Variants in CYP20A1 observed in about 807,000 individuals in gnomAD.
CYP20A1 encodes cytochrome P450 20A1.
CYP20A1 carries 61 observed loss-of-function variants against 61.4 expected under a neutral mutation model. That is an observed-to-expected ratio of 0.99 (90% CI 0.81 to 1.23). The LOEUF (loss-of-function observed/expected upper bound fraction) is 1.23. CYP20A1 is among the 50% of genes most tolerant of loss of function. The pLI is 0.00. For synonymous variants in CYP20A1, 193 were observed against 188.2 expected (o/e 1.03, Z -0.21); for missense variants, 530 against 542.4 (o/e 0.98, Z 0.23).
intron 10 of CYP20A1, among the ~76,000 whole-genome samples, chr2:203,291,903 C>G (rs2068551564): frequency 6.6e-6 from 1 of 152,078 alleles, no homozygotes; most frequent in Non-Finnish European, 1.5e-5. Context: ...TGTTCACTTC[C>G]CACCTATGAG....
intron 11 of CYP20A1, among the ~76,000 whole-genome samples, chr2:203,294,045 G>A (rs2068663027): frequency 6.6e-6 from 1 of 152,038 alleles, no homozygotes; most frequent in African/African-American, 2.4e-5. Flanking sequence ...GTGCAGTGAT[G>A]TAAACACAGG....
chr2:203,272,764 T>A lies in CYP20A1; in HGVS notation c.679+16T>A. On this transcript the variant is annotated intron_variant, in intron 6 of 12. Transcript: ENST00000356079. ...TATGAAGATGGTAAGTTTGGTCACTTAATTTTTAGTGAGGACAAAAAATAA... is the reference window on the plus strand; with the variant it reads ...TATGAAGATGGTAAGTTTGGTCACTAAATTTTTAGTGAGGACAAAAAATAA... 2 of 1,495,584 alleles carry A rather than the reference T, an allele frequency of 1.3e-6. No individual in the cohort carries two copies. The highest frequency in any genetic ancestry group is 1.8e-6 in the Non-Finnish European group (2 of 1,086,386). The allele number at this position is 1,495,584 out of a possible 1,614,324, so 92.6% of individuals were successfully genotyped here.
Position 203,258,995 on chromosome 2 carries a change from C to G in CYP20A1, c.432+6886C>G, listed in dbSNP as rs184503532. Among the ~76,000 whole-genome samples the G allele has an allele frequency of 7.9e-5, 12 of 152,254 alleles. No homozygotes were observed. In the East Asian group the frequency reaches 2.1e-3, roughly 27 times the overall value. The stretch of plus-strand genomic sequence containing the variant: ...TCAATCATGATAGAAGCACCTTTTT[C>G]TTTTCAATAATATTATTGTTAAAAG... On this transcript the variant is annotated intron_variant, in intron 4 of 12. Transcript: ENST00000356079.
intron 11 of CYP20A1, among the ~76,000 whole-genome samples, chr2:203,295,119 AT>A (rs900136591): frequency 4.8e-4 from 69 of 142,920 alleles, no homozygotes; most frequent in East Asian, 6.2e-4. Context: ...TGCCCAGCTA[AT>A]TTTTTTTTTT....
intron 3 of CYP20A1, among the ~76,000 whole-genome samples, chr2:203,251,121 T>TAAC (rs1301310878): frequency 6.7e-6 from 1 of 148,152 alleles, no homozygotes; most frequent in Non-Finnish European, 1.5e-5. Flanking sequence ...TCTAAAATGT[T>TAAC]AACAGTATCT....
rs755838388 is a variant in CYP20A1 at position 203,296,758 on chromosome 2, G to C, written c.1239G>C (p.Arg413Ser). ...FSGTQECPEL[R>S]FAYMVTTVLL... Reference sequence around the variant, plus strand: ...ACTAATTGACTTTCTTCCTGACTAGGTTTGCATATATGGTGACCACAGTAC... The same window carrying C: ...ACTAATTGACTTTCTTCCTGACTAGCTTTGCATATATGGTGACCACAGTAC... Residue 413 changes from arginine to serine, a missense_variant and splice_region_variant, in exon 13 of 13, where the codon AGG (arginine) becomes AGC (serine). Coordinates refer to ENST00000356079, the MANE Select transcript of CYP20A1 (RefSeq NM_177538.3). 1 of 1,582,334 alleles carries C rather than the reference G, an allele frequency of 6.3e-7. No individual in the cohort carries two copies. Among genetic ancestry groups the C allele is most frequent in the Non-Finnish European group, 8.5e-7 (1 of 1,171,578 alleles).
Position 203,296,811 on chromosome 2 carries a change from A to G in CYP20A1, c.1292A>G (p.His431Arg). 1 of 1,610,674 alleles carries G rather than the reference A, an allele frequency of 6.2e-7. No homozygotes were observed. The highest frequency in any genetic ancestry group is 8.5e-7 in the Non-Finnish European group (1 of 1,178,556). The change falls in exon 13 of 13, where the codon CAC (histidine) becomes CGC (arginine). Residue 431 changes from histidine to arginine, a missense_variant. Physicochemically the swap from His to Arg is conservative, Grantham distance 29. Transcript: ENST00000356079. ...VLLSVLVKRL[H>R]LLSVEGQVIE... ...CTTAGTGTATTGGTGAAGAGACTGC[A>G]CCTACTTTCTGTGGAGGGACAGGTT...
At chr2:203,250,802 C>T (rs1422487797) in intron 3 of CYP20A1, among the ~76,000 whole-genome samples, 3 of 152,064 alleles carry the variant, frequency 2.0e-5, no homozygotes, top group East Asian at 1.9e-4. Context: ...CGGTGGCTCA[C>T]GCCTGTAATC....
intron 9 of CYP20A1, among the ~76,000 whole-genome samples, chr2:203,288,155 T>A (rs902550437): frequency 2.2e-5 from 3 of 136,004 alleles, no homozygotes; most frequent in Non-Finnish European, 4.6e-5. Context: ...ACCCTCCACC[T>A]CCTGGGTTCA....
At chr2:203,249,670 C>T (rs955346651) in intron 3 of CYP20A1, among the ~76,000 whole-genome samples, 3 of 151,984 alleles carry the variant, frequency 2.0e-5, no homozygotes, top group Admixed American at 6.6e-5. Flanking sequence ...CATGGTGAAA[C>T]CCCGTCTCTA....
intron 1 of CYP20A1, among the ~76,000 whole-genome samples, chr2:203,239,978 C>A (rs1382790976): frequency 6.6e-6 from 1 of 152,120 alleles, no homozygotes; most frequent in Non-Finnish European, 1.5e-5. Flanking sequence ...CGCCTGTAAT[C>A]CCAGCTACTC....
At chr2:203,247,583 G>A (rs951309851) in intron 3 of CYP20A1, among the ~76,000 whole-genome samples, 1 of 152,160 alleles carries the variant, frequency 6.6e-6, no homozygotes, top group Non-Finnish European at 1.5e-5. Flanking sequence ...AATGGGCTGG[G>A]CATGGTGGCT....
rs2069109733 is a variant in CYP20A1, at chr2:203,303,670, G to C, written c.*6762G>C. On this transcript the variant is annotated 3_prime_UTR_variant, in exon 13 of 13. Transcript: ENST00000356079. ...AGATCGCGCCATTGCACTCCAGTGT[G>C]GGTGACGAGCGAAAATCCGTCTCAA... 6.6e-6 allele frequency among the ~76,000 whole-genome samples: 1 copy of C among 151,724 alleles called. No homozygotes were observed. Among genetic ancestry groups the C allele is most frequent in the Admixed American group, 6.6e-5 (1 of 15,210 alleles).
intron 4 of CYP20A1, among the ~76,000 whole-genome samples, chr2:203,263,608 C>T (rs1575204885): frequency 6.6e-6 from 1 of 152,116 alleles, no homozygotes; most frequent in Non-Finnish European, 1.5e-5. Context: ...TTTTGATGTG[C>T]TATATTTCCA....
intron 9 of CYP20A1, 122 bp downstream of exon 9, chr2:203,285,854 T>C: frequency 2.3e-6 from 2 of 862,836 alleles, no homozygotes; most frequent in East Asian, 3.2e-5. Flanking sequence ...AGTATTTATA[T>C]GTAGATTTTA....
chr2:203,282,125 C>T (rs1479927647), intron 8 of CYP20A1, among the ~76,000 whole-genome samples: 5 of 149,988 alleles, frequency 3.3e-5, no homozygotes, highest in Non-Finnish European at 7.4e-5. Flanking sequence ...GCAACCTCCA[C>T]CTCCTCGATT....
intron 4 of CYP20A1, among the ~76,000 whole-genome samples, chr2:203,257,712 C>A (rs1221741052): frequency 6.6e-6 from 1 of 151,764 alleles, no homozygotes; most frequent in Non-Finnish European, 1.5e-5. Context: ...TTGCTTGAAC[C>A]CAGGAGGCAG....
chr2:203,251,817 A>ATATATATGTGTGTATAT (rs34111991), intron 3 of CYP20A1, 150 bp from the exon 4 acceptor site: 4 of 95,294 alleles, frequency 4.2e-5, no homozygotes, highest in Non-Finnish European at 6.7e-5. Context: ...ATATATATAT[A>ATATATATGTGTGTATAT]AAAAATAAAA....
At chr2:203,260,328 T>G (rs10207012) in intron 4 of CYP20A1, among the ~76,000 whole-genome samples, 2 of 152,096 alleles carry the variant, frequency 1.3e-5, no homozygotes, top group African/African-American at 4.8e-5. Context: ...GTTCAAGCAG[T>G]TCTTGTGCCT....
Sources: allele counts gnomAD v4.1 joint callset (sites outside exome capture counted in the v4.1 genomes callset), GRCh38; gene constraint gnomAD v4.1.1; transcripts MANE v1.5; gene names NCBI Gene and HGNC (gene_info 2026-07-23, HGNC 2026-07-21).